Variants in ACYP2 observed in about 807,000 individuals in gnomAD.
ACYP2 encodes acylphosphatase-2.
In ACYP2, 12 loss-of-function variants were observed where a neutral mutation model predicts 11.2. That is an observed-to-expected ratio of 1.08 (90% CI 0.69 to 1.74). The LOEUF is 1.74. Ranked by LOEUF, ACYP2 falls within the 40% of genes most tolerant of loss-of-function variation. ACYP2 has a pLI of 0.00. For synonymous variants in ACYP2, 43 were observed against 32.2 expected (o/e 1.33, Z -1.13); for missense variants, 134 against 101.9 (o/e 1.31, Z -1.35).
At chr2:54,280,082 A>G (rs1688778383) in intron 6 of ACYP2, among the ~76,000 whole-genome samples, 1 of 152,184 alleles carries the variant, frequency 6.6e-6, no homozygotes, top group African/African-American at 2.4e-5. Context: ...CCAGAACCAA[A>G]CACCATGATA....
At chr2:54,221,940 T>C (rs1685817240) in intron 6 of ACYP2, among the ~76,000 whole-genome samples, 1 of 152,148 alleles carries the variant, frequency 6.6e-6, no homozygotes, top group Non-Finnish European at 1.5e-5. Context: ...ATAGGAACCA[T>C]GGCTGGCATT....
rs528115712 is a variant in ACYP2 at position 53,986,747 on chromosome 2, C to T, written c.62+12937C>T. Among the ~76,000 whole-genome samples the T allele has an allele frequency of 1.6e-4, 25 of 151,910 alleles. No individual in the cohort carries two copies. The South Asian group carries it at 4.4e-3, about 26-fold the overall frequency. On this transcript the variant is annotated intron_variant, in intron 2 of 6. Transcript: ENST00000607452. ...TCAAGTGATTCTCCTGCCTCAGCCTCCTGAGTAGCTGGGATCACAGATATG... is the reference window on the plus strand; with the variant it reads ...TCAAGTGATTCTCCTGCCTCAGCCTTCTGAGTAGCTGGGATCACAGATATG...
intron 2 of ACYP2, among the ~76,000 whole-genome samples, chr2:54,009,745 A>T (rs751745942): frequency 2.6e-5 from 4 of 152,204 alleles, no homozygotes; most frequent in Non-Finnish European, 4.4e-5. Context: ...AGCTGAGCAC[A>T]GTAACCAGGC....
At chr2:54,213,960 G>A (rs962979057) in intron 6 of ACYP2, among the ~76,000 whole-genome samples, 4 of 151,662 alleles carry the variant, frequency 2.6e-5, no homozygotes, top group Admixed American at 6.6e-5. Flanking sequence ...TTTTTGTAGC[G>A]ACAAGATCTC....
At chr2:54,233,904 A>C (rs949906284) in intron 6 of ACYP2, among the ~76,000 whole-genome samples, 2 of 152,238 alleles carry the variant, frequency 1.3e-5, no homozygotes, top group Non-Finnish European at 2.9e-5. Context: ...ACACTTTTAT[A>C]AGTGACAATG....
At chr2:54,126,876 C>A (rs1680541038) in intron 4 of ACYP2, among the ~76,000 whole-genome samples, 1 of 151,632 alleles carries the variant, frequency 6.6e-6, no homozygotes, top group African/African-American at 2.4e-5. Flanking sequence ...ATAAGTTGGA[C>A]CCGGGAGGTG....
chr2:54,195,487 G>C (rs957615505), intron 6 of ACYP2, among the ~76,000 whole-genome samples: 1 of 152,086 alleles, frequency 6.6e-6, no homozygotes, highest in African/African-American at 2.4e-5. Context: ...GAGAAGTACA[G>C]AGATACACAG....
At chr2:54,119,051 CTTTTTTT>C (rs10542497) in intron 4 of ACYP2, among the ~76,000 whole-genome samples, 1,361 of 43,764 alleles carry the variant, frequency 0.031, 44 homozygotes, top group African/African-American at 0.14. Flanking sequence ...TCTTAGTAGT[CTTTTTTT>C]TTTTTTTTTT....
chr2:54,256,094 G>C, intron 6 of ACYP2: 1 of 1,614,136 alleles, frequency 6.2e-7, no homozygotes, highest in Non-Finnish European at 8.5e-7. Context: ...CCCTGGTGCG[G>C]GTCTTCCAGA....
At chr2:54,239,741 C>T (rs1264755447) in intron 6 of ACYP2, among the ~76,000 whole-genome samples, 1 of 152,160 alleles carries the variant, frequency 6.6e-6, no homozygotes, top group Non-Finnish European at 1.5e-5. Flanking sequence ...CTTTACCACC[C>T]ATGGTGACCT....
chr2:54,271,077 C>A (rs945332592), intron 6 of ACYP2, among the ~76,000 whole-genome samples: 1 of 152,208 alleles, frequency 6.6e-6, no homozygotes, highest in Admixed American at 6.5e-5. Context: ...ACAGGTGGTG[C>A]TCCTTGCTCA....
At chr2:54,101,817 A>G (rs1418578474) in intron 4 of ACYP2, among the ~76,000 whole-genome samples, 1 of 152,200 alleles carries the variant, frequency 6.6e-6, no homozygotes, top group Non-Finnish European at 1.5e-5. Context: ...AATGAAGCAG[A>G]AAGTACAGAG....
intron 6 of ACYP2, among the ~76,000 whole-genome samples, chr2:54,277,094 T>C (rs1688630732): frequency 6.6e-6 from 1 of 152,234 alleles, no homozygotes; most frequent in Non-Finnish European, 1.5e-5. Context: ...ATGACCATTC[T>C]TGAGGCAAAA....
At chr2:54,173,618 C>A (rs1683313958) in intron 6 of ACYP2, among the ~76,000 whole-genome samples, 1 of 152,098 alleles carries the variant, frequency 6.6e-6, no homozygotes, top group Non-Finnish European at 1.5e-5. Flanking sequence ...CTTGCCCATG[C>A]CTATGTCCTG....
At chr2:54,047,580 A>G (rs554086666) in intron 2 of ACYP2, among the ~76,000 whole-genome samples, 2 of 152,340 alleles carry the variant, frequency 1.3e-5, no homozygotes, top group South Asian at 4.2e-4. Flanking sequence ...ATTGTATTGT[A>G]TTAGAATATG....
At chr2:54,168,683 TAAAG>T (rs1229263846) in intron 6 of ACYP2, among the ~76,000 whole-genome samples, 2 of 152,140 alleles carry the variant, frequency 1.3e-5, no homozygotes, top group Non-Finnish European at 2.9e-5. Context: ...ATCATTGAAT[TAAAG>T]AAACCCAATG....
intron 4 of ACYP2, among the ~76,000 whole-genome samples, chr2:54,106,467 A>G (rs765173535): frequency 2.0e-5 from 3 of 152,208 alleles, no homozygotes; most frequent in Non-Finnish European, 2.9e-5. Context: ...CATCTTATTT[A>G]CTTAACAAGA....
chr2:54,169,129 A>C (rs1341527315), intron 6 of ACYP2, among the ~76,000 whole-genome samples: 1 of 152,158 alleles, frequency 6.6e-6, no homozygotes, highest in Non-Finnish European at 1.5e-5. Context: ...TTCCCCACAG[A>C]ATGGAAGCTA....
chr2:54,079,533 GA>G (rs1465748259), intron 4 of ACYP2, among the ~76,000 whole-genome samples: 1 of 152,184 alleles, frequency 6.6e-6, no homozygotes, highest in Non-Finnish European at 1.5e-5. Context: ...CAGTTCCATG[GA>G]GGAAGTCAGC....
Sources: allele counts gnomAD v4.1 joint callset (sites outside exome capture counted in the v4.1 genomes callset), GRCh38; gene constraint gnomAD v4.1.1; transcripts MANE v1.5; gene names NCBI Gene and HGNC (gene_info 2026-07-23, HGNC 2026-07-21).